Variants in PREP observed in about 807,000 individuals in gnomAD.
PREP encodes prolyl endopeptidase.
A neutral mutation model predicts 87.6 loss-of-function variants in PREP; 29 were observed. The ratio of observed to expected loss-of-function variants is 0.33; its 90% CI spans 0.25 to 0.45. The LOEUF is 0.45. Among genes scored for constraint, PREP ranks in the 20% least tolerant of loss-of-function variants. PREP has a pLI of 1.00. For missense variants in PREP, 695 were observed against 886.5 expected (o/e 0.78, Z 2.74); for synonymous variants, 337 against 328.6 (o/e 1.03, Z -0.28).
At chr6:105,363,559 T>C (rs6923413) in intron 6 of PREP, among the ~76,000 whole-genome samples, 10,241 of 152,276 alleles carry the variant, frequency 0.067, 492 homozygotes, top group Non-Finnish European at 0.1. Context: ...GGAGCTCTTG[T>C]TCCTGAGCCC....
rs1394118115 is a variant in PREP, at chr6:105,273,923, G to A, written c.*4221C>T. On this transcript the variant is annotated 3_prime_UTR_variant, in exon 15 of 15. Transcript: ENST00000652536. ...TTGTTTGTCCCCTCATTCCGTTCGG[G>A]TCTTTGTCCGAATGTTGCTTCCTGA... Among the ~76,000 whole-genome samples the A allele has an allele frequency of 6.6e-6, 1 of 152,136 alleles. No homozygotes were observed. The highest frequency in any genetic ancestry group is 1.9e-4 in the East Asian group (1 of 5,186).
chr6:105,362,466 G>T (rs1772278560), intron 6 of PREP, among the ~76,000 whole-genome samples: 1 of 152,178 alleles, frequency 6.6e-6, no homozygotes, highest in African/African-American at 2.4e-5. Flanking sequence ...ATCTCACAAA[G>T]AAAGTATCTA....
intron 4 of PREP, 119 bp from the exon 5 acceptor site, chr6:105,373,697 A>C (rs1050948965): frequency 9.7e-7 from 1 of 1,036,000 alleles, no homozygotes; most frequent in South Asian, 1.6e-5. Flanking sequence ...AATAAAAGGA[A>C]TAGGAATCTG....
At chr6:105,360,220 G>C (rs1158820203) in intron 6 of PREP, among the ~76,000 whole-genome samples, 1 of 152,178 alleles carries the variant, frequency 6.6e-6, no homozygotes, top group Non-Finnish European at 1.5e-5. Context: ...GTGGCTTTGT[G>C]CTGTGAGTCA....
chr6:105,311,608 A>G (rs1024023788), intron 10 of PREP, among the ~76,000 whole-genome samples: 11 of 152,182 alleles, frequency 7.2e-5, no homozygotes, highest in African/African-American at 2.4e-4. Flanking sequence ...GCTGACATTT[A>G]TTTTCTGTTC....
Position 105,304,539 on chromosome 6 carries a change from C to T in PREP, c.1318-15645G>A, listed in dbSNP as rs117332952. On this transcript the variant is annotated intron_variant, in intron 10 of 14. Transcript: ENST00000652536. ...AATCAGCCAATCCCCTCCCCCTCCT[C>T]TGGGGGCCCCTCCTGAACTCACCAT... 4.8e-3 allele frequency among the ~76,000 whole-genome samples: 737 copies of T among 152,300 alleles called. 8 individuals are homozygous for T. The highest frequency in any genetic ancestry group is 0.017 in the Middle Eastern group (5 of 294).
intron 12 of PREP, 37 bp from the exon 13 acceptor site, chr6:105,282,619 A>G: frequency 6.2e-7 from 1 of 1,600,188 alleles, no homozygotes; most frequent in African/African-American, 1.3e-5. Flanking sequence ...TTAATTAACA[A>G]AACATAAAAA....
chr6:105,329,108 C>T lies in PREP; in HGVS notation c.1016-82G>A, dbSNP rs1472400638. ...ATTTAATTGAGCAACAGTTCCAGAG[C>T]TACACATAGGGCTATGCAGCAATGA... On this transcript the variant is annotated intron_variant, in intron 8 of 14. Coordinates refer to ENST00000652536, the MANE Select transcript of PREP (RefSeq NM_002726.5). The T allele has an allele frequency of 2.3e-6, 3 of 1,301,948 alleles. No homozygotes were observed. The East Asian group carries it at 7.3e-5, about 32-fold the overall frequency. The allele number at this position is 1,301,948 out of a possible 1,614,324, so 80.6% of individuals were successfully genotyped here. A position where few individuals can be genotyped will look rare whatever the true frequency, so the allele number is the denominator to read the frequency against.
intron 7 of PREP, among the ~76,000 whole-genome samples, chr6:105,348,644 G>A (rs1411319770): frequency 3.3e-5 from 5 of 152,184 alleles, no homozygotes; most frequent in African/African-American, 9.6e-5. Context: ...CATTCTGGGA[G>A]GCCGAGGCAG....
intron 2 of PREP, among the ~76,000 whole-genome samples, chr6:105,392,437 T>C (rs1390330759): frequency 6.6e-6 from 1 of 152,212 alleles, no homozygotes; most frequent in Non-Finnish European, 1.5e-5. Context: ...GAAATTACAC[T>C]GTGGTAAGTG....
intron 9 of PREP, among the ~76,000 whole-genome samples, chr6:105,326,783 G>A (rs964014900): frequency 5.9e-5 from 9 of 152,256 alleles, no homozygotes; most frequent in Middle Eastern, 6.8e-3. Flanking sequence ...AATTGCATTC[G>A]GCAGAGAAAA....
chr6:105,290,105 T>C (rs1190040), intron 10 of PREP, among the ~76,000 whole-genome samples: 28,599 of 152,090 alleles, frequency 0.19, 3,018 homozygotes, highest in African/African-American at 0.29. Flanking sequence ...TACTGAGATA[T>C]ACATTTAAAT....
intron 2 of PREP, among the ~76,000 whole-genome samples, chr6:105,391,209 C>T (rs767275614): frequency 1.3e-4 from 20 of 151,824 alleles, no homozygotes; most frequent in Non-Finnish European, 2.2e-4. Flanking sequence ...GGCAAAACCC[C>T]GTCTCTACTA....
At chr6:105,322,512 T>C (rs759479028) in intron 10 of PREP, 12 of 985,618 alleles carry the variant, frequency 1.2e-5, no homozygotes, top group Non-Finnish European at 1.3e-5. Context: ...TGTATGTCTA[T>C]CAAGAATGTT....
At chr6:105,282,376 C>G in intron 13 of PREP, 75 bp downstream of exon 13, 1 of 1,511,716 alleles carries the variant, frequency 6.6e-7, no homozygotes, top group Non-Finnish European at 8.9e-7. Context: ...AAGTCAAGAG[C>G]TGCCTACAGA....
chr6:105,325,234 A>G (rs6902097), intron 9 of PREP, among the ~76,000 whole-genome samples: 5 of 151,934 alleles, frequency 3.3e-5, no homozygotes, highest in African/African-American at 9.7e-5. Context: ...ACAACAACAA[A>G]AAGACAACGT....
chr6:105,285,656 A>G, intron 11 of PREP, 76 bp from the exon 12 acceptor site: 2 of 1,181,002 alleles, frequency 1.7e-6, no homozygotes, highest in South Asian at 2.5e-5. Context: ...CATCTCAAAA[A>G]AGTGTATGCC....
chr6:105,313,558 G>C (rs1770802187), intron 10 of PREP, among the ~76,000 whole-genome samples: 1 of 152,202 alleles, frequency 6.6e-6, no homozygotes, highest in African/African-American at 2.4e-5. Flanking sequence ...TGTGTTTCTA[G>C]ATGGCCTGCT....
chr6:105,323,973 A>G (rs1771083591), intron 9 of PREP, among the ~76,000 whole-genome samples: 1 of 152,258 alleles, frequency 6.6e-6, no homozygotes, highest in Non-Finnish European at 1.5e-5. Context: ...GTAAGTGTTC[A>G]TCCTCATCAT....
Sources: allele counts gnomAD v4.1 joint callset (sites outside exome capture counted in the v4.1 genomes callset), GRCh38; gene constraint gnomAD v4.1.1; transcripts MANE v1.5; gene names NCBI Gene and HGNC (gene_info 2026-07-23, HGNC 2026-07-21).